CLIC2: variants seen among roughly 807,000 people sequenced by gnomAD.
The protein encoded by CLIC2 is CLIC family member 2.
Under a neutral mutation model 14.8 loss-of-function variants are expected in CLIC2, and 9 were observed. The observed-to-expected ratio is 0.61, with a 90% CI of 0.37 to 1.06. The LOEUF is 1.06. Among genes scored for constraint, CLIC2 ranks in the 50% least tolerant of loss-of-function variants. CLIC2 has a pLI of 0.01. For synonymous variants in CLIC2, 61 were observed against 66.3 expected, an observed-to-expected ratio of 0.92 and a Z score of 0.39; for missense variants, 148 against 181.4, an observed-to-expected ratio of 0.82 and a Z score of 1.06.
Position 155,326,086 on chromosome X carries a change from C to T in CLIC2, c.57+8285G>A, listed in dbSNP as rs146833575. On this transcript the variant is annotated intron_variant, in intron 1 of 5. Transcript: ENST00000369449. ...GGTACAGTGTACACTGCTTGGGTGACGGATGCACCAATATCTCTGAAATCA... is the reference window on the plus strand; with the variant it reads ...GGTACAGTGTACACTGCTTGGGTGATGGATGCACCAATATCTCTGAAATCA... Among the ~76,000 whole-genome samples the T allele has an allele frequency of 6.9e-3, 752 of 108,362 alleles. 10 individuals carry two copies. Among genetic ancestry groups the T allele is most frequent in the African/African-American group, 0.024 (711 of 29,851 alleles). 94.1% of individuals were successfully genotyped at this position (108,362 alleles called of 115,157 possible). A position where few individuals can be genotyped will look rare whatever the true frequency, so the allele number is the denominator to read the frequency against.
chrX:155,311,853 C>T (rs190989142), intron 1 of CLIC2, among the ~76,000 whole-genome samples: 74 of 111,274 alleles, frequency 6.7e-4, no homozygotes, highest in South Asian at 1.5e-3. Flanking sequence ...CAAGGGAAAG[C>T]GGTTTCCCCT....
intron 1 of CLIC2, among the ~76,000 whole-genome samples, chrX:155,331,201 GGA>G (rs1437479709): frequency 9.0e-6 from 1 of 110,844 alleles, no homozygotes; most frequent in Non-Finnish European, 1.9e-5. Flanking sequence ...GAAGAAGAAT[GGA>G]GTCTGATAAT....
intron 1 of CLIC2, among the ~76,000 whole-genome samples, chrX:155,324,265 GAGCCTGTAT>G (rs2124216414): frequency 1.8e-5 from 2 of 109,219 alleles, no homozygotes; most frequent in East Asian, 5.7e-4. Context: ...AACCAATAAA[GAGCCTGTAT>G]AGCCAAAACA....
intron 1 of CLIC2, among the ~76,000 whole-genome samples, chrX:155,314,503 C>T (rs1557320926): frequency 8.9e-6 from 1 of 111,896 alleles, no homozygotes; most frequent in East Asian, 2.8e-4. Context: ...CAGTTCGGCT[C>T]TCAGGAAGCC....
At chrX:155,317,665 C>T (rs2075099950) in intron 1 of CLIC2, among the ~76,000 whole-genome samples, 1 of 111,939 alleles carries the variant, frequency 8.9e-6, no homozygotes, top group Non-Finnish European at 1.9e-5. Flanking sequence ...CCTATTGACA[C>T]TATTCCATTG....
At chrX:155,306,748 A>T (rs2075057058) in intron 1 of CLIC2, among the ~76,000 whole-genome samples, 1 of 110,087 alleles carries the variant, frequency 9.1e-6, no homozygotes, top group Admixed American at 9.7e-5. Context: ...AGAGAGAGAG[A>T]GTGGGGGATG....
At position 155,277,467 on chromosome X, in the gene CLIC2, A is replaced by G. The variant is rs2074902676; in HGVS notation, c.*436T>C. ...CTCACTCTCTGTATTTATTATTTAT[A>G]TCAGAAATAAACTCATGTATATATT... On this transcript the variant is annotated 3_prime_UTR_variant, in exon 6 of 6. Coordinates refer to ENST00000369449, the MANE Select transcript of CLIC2 (RefSeq NM_001289.6). 8.5e-6 allele frequency: 1 copy of G among 118,288 alleles called. No individual in the cohort carries two copies. The highest frequency in any genetic ancestry group is 3.2e-5 in the African/African-American group (1 of 30,870). The allele number at this position is 118,288 out of a possible 1,213,427, so 9.7% of individuals were successfully genotyped here.
chrX:155,281,093 T>C (rs1483236036), intron 3 of CLIC2, among the ~76,000 whole-genome samples: 2 of 107,626 alleles, frequency 1.9e-5, no homozygotes, highest in East Asian at 5.8e-4. Flanking sequence ...GAGGACGTTA[T>C]GTTAAGTGAA....
At chrX:155,292,132 G>T in intron 3 of CLIC2, 1 of 567,467 alleles carries the variant, frequency 1.8e-6, no homozygotes, top group Admixed American at 2.2e-5. Flanking sequence ...ATTTGATAGA[G>T]TACAAATGGC....
intron 1 of CLIC2, among the ~76,000 whole-genome samples, chrX:155,323,540 T>A (rs113755925): frequency 1.3e-3 from 150 of 111,800 alleles, no homozygotes; most frequent in African/African-American, 4.7e-3. Flanking sequence ...CTGAAAATAA[T>A]AAGAGCTATC....
In CLIC2 at chrX:155,331,276, G is replaced by A. The variant is rs782593975; in HGVS notation, c.57+3095C>T. Among the ~76,000 whole-genome samples, 36 of 110,940 alleles carry A rather than the reference G, an allele frequency of 3.2e-4. 1 individual carries two copies. In the South Asian group the frequency reaches 6.1e-3, roughly 19 times the overall value. On this transcript the variant is annotated intron_variant, in intron 1 of 5. Transcript: ENST00000369449. ...GAAAATCAAAACACTGAGGTGTGGG[G>A]GAAATGCAGTAAAGTTTTACAGGAA...
intron 3 of CLIC2, 126 bp from the exon 4 acceptor site, chrX:155,280,194 G>T: frequency 2.0e-6 from 1 of 501,125 alleles, no homozygotes. Context: ...ACCCTTAGAA[G>T]TCTCTCAGTA....
chrX:155,278,954 C>A, intron 5 of CLIC2, 195 bp downstream of exon 5: 1 of 430,521 alleles, frequency 2.3e-6, no homozygotes, highest in Non-Finnish European at 4.0e-6. Flanking sequence ...AAAAAAGAAA[C>A]AAGTTTTAAT....
At chrX:155,288,872 C>T (rs1250301444) in intron 3 of CLIC2, among the ~76,000 whole-genome samples, 2 of 111,155 alleles carry the variant, frequency 1.8e-5, no homozygotes, top group Non-Finnish European at 3.8e-5. Context: ...TGGCCGGGCG[C>T]AGTGGCTCAC....
At chrX:155,321,631 C>T (rs1407640232) in intron 1 of CLIC2, among the ~76,000 whole-genome samples, 1 of 97,461 alleles carries the variant, frequency 1.0e-5, no homozygotes, top group Admixed American at 1.1e-4. Flanking sequence ...TAAAGACCAT[C>T]GACACTGTGA....
intron 1 of CLIC2, among the ~76,000 whole-genome samples, chrX:155,302,417 G>A (rs1306170785): frequency 9.1e-6 from 1 of 110,238 alleles, no homozygotes; most frequent in African/African-American, 3.3e-5. Context: ...TGTGGAATCA[G>A]TGGTGATATC....
chrX:155,278,190 C>A, intron 5 of CLIC2, 126 bp from the exon 6 acceptor site: 4 of 562,410 alleles, frequency 7.1e-6, no homozygotes, highest in Admixed American at 2.9e-5. Context: ...ATAAAATAAA[C>A]TATGAAGTAG....
intron 1 of CLIC2, among the ~76,000 whole-genome samples, chrX:155,304,921 G>A (rs1361589718): frequency 6.7e-5 from 7 of 104,036 alleles, no homozygotes; most frequent in African/African-American, 2.4e-4. Context: ...CCCACTTGAG[G>A]AGGCAGTCTG....
intron 1 of CLIC2, among the ~76,000 whole-genome samples, chrX:155,329,112 A>G (rs1012333648): frequency 3.6e-5 from 4 of 110,899 alleles, no homozygotes; most frequent in African/African-American, 1.3e-4. Context: ...GAATGGGATC[A>G]CATCAAGTTA....
Sources: gnomAD v4.1 joint callset for allele counts (sites outside exome capture counted in the v4.1 genomes callset) on GRCh38, gnomAD v4.1.1 for gene constraint, MANE v1.5 for transcripts, NCBI Gene and HGNC (gene_info 2026-07-23, HGNC 2026-07-21) for gene names.